CHLSN: variants seen among roughly 807,000 people sequenced by gnomAD.
The protein encoded by CHLSN is cholesin, also known as protein cholesin.
At chr7:1,134,776 C>T in the CHLSN span, among the ~76,000 whole-genome samples, 4 of 151,354 alleles carry the variant, frequency 2.6e-5, no homozygotes, top group East Asian at 7.8e-4. Context: ...ACTCGGGAGG[C>T]TGAGGCAGGA....
At chr7:1,028,432 G>C in the CHLSN span, 39 of 985,690 alleles carry the variant, frequency 4.0e-5, no homozygotes, top group Non-Finnish European at 4.7e-5. Context: ...TGACGCCAGC[G>C]CGCCTGCGGG....
chr7:1,071,082 C>T, the CHLSN span, among the ~76,000 whole-genome samples: 1 of 152,258 alleles, frequency 6.6e-6, no homozygotes, highest in African/African-American at 2.4e-5. Flanking sequence ...ATGGAGTAGC[C>T]TCCTCCAGGG....
At chr7:1,107,075 C>T in the CHLSN span, among the ~76,000 whole-genome samples, 9 of 152,268 alleles carry the variant, frequency 5.9e-5, no homozygotes, top group South Asian at 1.9e-3. Context: ...GACTCGACTC[C>T]GGGAAGGAAG....
the CHLSN span, among the ~76,000 whole-genome samples, chr7:1,055,668 C>A: frequency 6.6e-6 from 1 of 152,166 alleles, no homozygotes. Flanking sequence ...ACAGAGCACA[C>A]TGAGGGGTCC....
At chr7:1,099,610 A>G in the CHLSN span, among the ~76,000 whole-genome samples, 1 of 152,164 alleles carries the variant, frequency 6.6e-6, no homozygotes, top group Admixed American at 6.5e-5. Context: ...ATGGAGGAAA[A>G]GAGCGTTAGT....
chr7:1,121,495 G>C, the CHLSN span, among the ~76,000 whole-genome samples: 5 of 152,226 alleles, frequency 3.3e-5, no homozygotes, highest in Admixed American at 2.0e-4. Flanking sequence ...GGCCTCATTT[G>C]ATGGTTTTAT....
chr7:1,029,470 G>A, the CHLSN span, among the ~76,000 whole-genome samples: 1 of 152,198 alleles, frequency 6.6e-6, no homozygotes, highest in Non-Finnish European at 1.5e-5. Flanking sequence ...ATGTTGCCTG[G>A]CATAGGAGGC....
chr7:1,137,558 G>A, the CHLSN span: 1 of 152,270 alleles, frequency 6.6e-6, no homozygotes, highest in Non-Finnish European at 1.5e-5. Context: ...CCAGCACTTT[G>A]GGAGGCCGAG....
the CHLSN span, among the ~76,000 whole-genome samples, chr7:1,104,165 A>C: frequency 1.3e-5 from 2 of 152,240 alleles, no homozygotes; most frequent in Non-Finnish European, 2.9e-5. Context: ...AACCGTGGGC[A>C]GGGCTCTGTC....
the CHLSN span, among the ~76,000 whole-genome samples, chr7:1,104,570 G>A: frequency 1.3e-5 from 2 of 152,204 alleles, no homozygotes; most frequent in African/African-American, 4.8e-5. Context: ...GTTCCCGAGG[G>A]GCCCATGCAG....
the CHLSN span, among the ~76,000 whole-genome samples, chr7:1,090,973 C>G: frequency 6.6e-6 from 1 of 151,958 alleles, no homozygotes; most frequent in Non-Finnish European, 1.5e-5. Context: ...TGGACCCACT[C>G]TCTCTCTCTC....
chr7:986,540 C>T, the CHLSN span: 2 of 1,519,560 alleles, frequency 1.3e-6, no homozygotes, highest in Admixed American at 1.8e-5. Flanking sequence ...GGCGTGAACA[C>T]AGCCGCTGGG....
the CHLSN span, among the ~76,000 whole-genome samples, chr7:1,102,288 G>A: frequency 1.4e-3 from 210 of 152,404 alleles, 1 homozygote; most frequent in African/African-American, 4.8e-3. Context: ...GCTGGGCCCA[G>A]CGGCAGTGGC....
chr7:1,058,778 T>G, the CHLSN span: 64,269 of 499,626 alleles, frequency 0.13, 4,902 homozygotes, highest in Middle Eastern at 0.22. Flanking sequence ...CGCAAAAGCC[T>G]CCTCGCCTTC....
chr7:989,094 C>T, the CHLSN span: 1 of 442,470 alleles, frequency 2.3e-6, no homozygotes, highest in Admixed American at 3.7e-5. Flanking sequence ...CCCACTCTCC[C>T]ACCCCTGAAG....
the CHLSN span, chr7:1,127,132 C>A: frequency 2.6e-6 from 3 of 1,139,946 alleles, no homozygotes; most frequent in Non-Finnish European, 2.4e-6. Context: ...AGCCCCACCA[C>A]GCCTCCGCAC....
At chr7:987,282 C>T in the CHLSN span, 2 of 1,504,898 alleles carry the variant, frequency 1.3e-6, no homozygotes, top group East Asian at 5.0e-5. Context: ...GCTCCTTCTG[C>T]CCCCGGGGGA....
chr7:1,114,740 C>T, the CHLSN span, among the ~76,000 whole-genome samples: 6 of 152,370 alleles, frequency 3.9e-5, no homozygotes, highest in East Asian at 1.9e-4. Flanking sequence ...AGGCCCAAAC[C>T]GCGGGGTGAG....
the CHLSN span, among the ~76,000 whole-genome samples, chr7:1,036,776 T>C: frequency 0.028 from 3,546 of 125,122 alleles, 407 homozygotes; most frequent in Non-Finnish European, 0.044. Context: ...CATTTCTGGC[T>C]CTGAAGGCGA....
Sources: allele counts gnomAD v4.1 joint callset (sites outside exome capture counted in the v4.1 genomes callset), GRCh38; gene constraint gnomAD v4.1.1; transcripts MANE v1.5; gene names NCBI Gene and HGNC (gene_info 2026-07-23, HGNC 2026-07-21).